The following ZFYVE1 variants were observed in gnomAD, a reference collection of about 807,000 sequenced individuals.
ZFYVE1 encodes the protein zinc finger FYVE-type containing 1.
ZFYVE1 carries 30 observed loss-of-function variants against 74.4 expected under a neutral mutation model. That is an observed-to-expected ratio of 0.40 (90% CI 0.30 to 0.55). The LOEUF is 0.55. ZFYVE1 is among the 20% of genes least tolerant of loss of function. The pLI is 0.42. For missense variants in ZFYVE1, 703 were observed against 1,011.6 expected (o/e 0.69, Z 4.14); for synonymous variants, 335 against 385.1 (o/e 0.87, Z 1.52).
chr14:73,001,215 A>T (rs1893866772), intron 2 of ZFYVE1, among the ~76,000 whole-genome samples: 1 of 139,058 alleles, frequency 7.2e-6, no homozygotes, highest in African/African-American at 2.9e-5. Flanking sequence ...TTCCCTATTG[A>T]CTTGTTAGAT....
intron 3 of ZFYVE1, among the ~76,000 whole-genome samples, chr14:72,993,863 A>T (rs867175389): frequency 4.0e-5 from 6 of 151,656 alleles, no homozygotes; most frequent in Non-Finnish European, 8.8e-5. Flanking sequence ...TCTACTAAAA[A>T]TACTAGCCAA....
At chr14:72,999,877 T>G (rs1376998436) in intron 2 of ZFYVE1, among the ~76,000 whole-genome samples, 1 of 152,120 alleles carries the variant, frequency 6.6e-6, no homozygotes, top group Non-Finnish European at 1.5e-5. Context: ...CTGGCCAACA[T>G]GGTGAAACCC....
intron 11 of ZFYVE1, among the ~76,000 whole-genome samples, chr14:72,972,370 C>T (rs1300828960): frequency 6.6e-6 from 1 of 152,204 alleles, no homozygotes; most frequent in Non-Finnish European, 1.5e-5. Context: ...ACTTGGTGAG[C>T]ACAGCCAGCA....
intron 5 of ZFYVE1, among the ~76,000 whole-genome samples, chr14:72,980,561 A>G (rs1347501009): frequency 7.0e-6 from 1 of 142,772 alleles, no homozygotes; most frequent in East Asian, 2.0e-4. Flanking sequence ...TTATTTATTT[A>G]TTTATTTATT....
rs375138525 is a variant in ZFYVE1 at position 72,971,086 on chromosome 14, C to G, written c.2130G>C (p.Ala710=). ...LGLVKDAARP[A]YWVPDHEILH... ...GGATTTCGTGGTCAGGCACCCAGTA[C>G]GCAGGCCTGGCCGCGTCCTTTACCA... Residue 710 remains alanine (A), a synonymous_variant, in exon 12 of 12, where the codon GCG becomes GCC. Transcript: ENST00000556143. 1.5e-5 allele frequency: 25 copies of G among 1,614,102 alleles called. No homozygotes were observed. Among genetic ancestry groups the G allele is most frequent in the Non-Finnish European group, 2.1e-5 (25 of 1,180,050 alleles).
chr14:73,006,932 G>C (rs763716673), intron 2 of ZFYVE1, among the ~76,000 whole-genome samples: 5 of 151,782 alleles, frequency 3.3e-5, no homozygotes, highest in African/African-American at 1.2e-4. Flanking sequence ...AGCTGGTCTC[G>C]AACTCCCTGA....
At chr14:73,023,622 C>CA (rs1174636892) in intron 2 of ZFYVE1, among the ~76,000 whole-genome samples, 1 of 151,594 alleles carries the variant, frequency 6.6e-6, no homozygotes, top group Non-Finnish European at 1.5e-5. Context: ...GCATCACTAA[C>CA]ATTTACTCAC....
chr14:73,005,641 A>T (rs889163097), intron 2 of ZFYVE1, among the ~76,000 whole-genome samples: 3 of 152,190 alleles, frequency 2.0e-5, no homozygotes, highest in African/African-American at 7.2e-5. Context: ...ATAATAACAG[A>T]TGTCCAGCTC....
intron 2 of ZFYVE1, among the ~76,000 whole-genome samples, chr14:73,006,595 C>G (rs1893985340): frequency 6.6e-6 from 1 of 151,800 alleles, no homozygotes; most frequent in South Asian, 2.1e-4. Flanking sequence ...CAAAACCCAG[C>G]AGCACCTCCC....
chr14:72,989,209 A>G (rs1014949992), intron 4 of ZFYVE1, among the ~76,000 whole-genome samples: 1 of 152,168 alleles, frequency 6.6e-6, no homozygotes, highest in Non-Finnish European at 1.5e-5. Flanking sequence ...TACAGGCATG[A>G]GCCACAGCAC....
chr14:73,011,302 A>G (rs1297722396), intron 2 of ZFYVE1, among the ~76,000 whole-genome samples: 10 of 151,932 alleles, frequency 6.6e-5, no homozygotes, highest in Non-Finnish European at 8.8e-5. Context: ...AATGGGCAAC[A>G]TGACAAAACC....
intron 2 of ZFYVE1, among the ~76,000 whole-genome samples, chr14:73,003,476 C>T (rs1893916915): frequency 6.6e-6 from 1 of 152,194 alleles, no homozygotes; most frequent in Admixed American, 6.5e-5. Flanking sequence ...CTTTGGGAGG[C>T]CAAGACGGGA....
chr14:72,993,838 T>C (rs1893680216), intron 3 of ZFYVE1, among the ~76,000 whole-genome samples: 1 of 150,004 alleles, frequency 6.7e-6, no homozygotes, highest in South Asian at 2.1e-4. Context: ...CCTGGCAACA[T>C]GGTGAAATGC....
At chr14:73,015,040 G>A (rs538825465) in intron 2 of ZFYVE1, among the ~76,000 whole-genome samples, 1 of 151,722 alleles carries the variant, frequency 6.6e-6, no homozygotes, top group South Asian at 2.1e-4. Context: ...AGACCAGCCT[G>A]GTCAACATGG....
In ZFYVE1 at chr14:72,977,914, C is replaced by G. The variant is rs1594831727; in HGVS notation, c.1635+13G>C. On this transcript the variant is annotated intron_variant, in intron 8 of 11. Coordinates refer to ENST00000556143, the MANE Select transcript of ZFYVE1 (RefSeq NM_021260.4). ...CAAGATAAAGAAAAACAGAGAAATC[C>G]AACAGTTCTTACTCCAGGCCACACA... 5 of 1,612,642 alleles carry G rather than the reference C, an allele frequency of 3.1e-6. No individual in the cohort carries two copies. In the East Asian group the frequency reaches 1.1e-4, roughly 36 times the overall value.
Position 72,981,893 on chromosome 14 carries a change from T to C in ZFYVE1, c.1206A>G (p.Ala402=). Residue 402 remains alanine (A), a splice_region_variant and synonymous_variant, in exon 5 of 12, where the codon GCA becomes GCG. Transcript: ENST00000556143. ...HPGVIFKALK[A]LSDRFSGEIP... Reference sequence around the variant, plus strand: ...TCTCACCGCTGAAGCGGTCACTTAGTGCCTGCCAAGGAGGGAAGGTGACAT... The same window carrying C: ...TCTCACCGCTGAAGCGGTCACTTAGCGCCTGCCAAGGAGGGAAGGTGACAT... 1 of 1,613,908 alleles carries C rather than the reference T, an allele frequency of 6.2e-7. No individual in the cohort carries two copies. The highest frequency in any genetic ancestry group is 8.5e-7 in the Non-Finnish European group (1 of 1,180,030).
chr14:72,975,089 G>C lies in ZFYVE1; in HGVS notation c.1807-130C>G. On this transcript the variant is annotated intron_variant, in intron 9 of 11. Transcript: ENST00000556143. The surrounding 1 kb of genome is among the most constrained non-coding windows in gnomAD (Gnocchi z 4.1). ...TGGCGTTAGCTCAACAAGGACAAGA[G>C]CTTTCTAGTAACGCGTTATCTGAGA... The C allele has an allele frequency of 1.0e-6, 1 of 970,616 alleles. No homozygotes were observed. Among genetic ancestry groups the C allele is most frequent in the Non-Finnish European group, 1.5e-6 (1 of 673,228 alleles). 60.1% of individuals were successfully genotyped at this position (970,616 alleles called of 1,614,324 possible).
Position 72,977,956 on chromosome 14 carries a change from G to A in ZFYVE1, c.1606C>T (p.Arg536Trp). Residue 536 changes from arginine to tryptophan, a missense_variant, in exon 8 of 12, where the codon CGG (arginine) becomes TGG (tryptophan). Arg to Trp is a moderately radical substitution (Grantham distance 101). This residue lies in a region of ZFYVE1 where 492 missense variants were observed against 790.0 expected (regional missense o/e 0.62). Coordinates refer to ENST00000556143, the MANE Select transcript of ZFYVE1 (RefSeq NM_021260.4). ...GNQDPVDTVVRTEIVHVWPGT... is the reference protein window; with the variant it reads ...GNQDPVDTVVWTEIVHVWPGT... Reference sequence around the variant, plus strand: ...GGCCACACATGCACAATCTCTGTCCGCACCACCGTATCCACAGGATCTTGG... The same window carrying A: ...GGCCACACATGCACAATCTCTGTCCACACCACCGTATCCACAGGATCTTGG... 2 of 1,614,132 alleles carry A rather than the reference G, an allele frequency of 1.2e-6. No individual in the cohort carries two copies. Among genetic ancestry groups the A allele is most frequent in the Non-Finnish European group, 1.7e-6 (2 of 1,180,020 alleles).
rs777150047 is a variant in ZFYVE1 at position 72,980,536 on chromosome 14, A to AATTTATTTATTTATTT, written c.1310+1237_1310+1252dup. ...CATCAGCATCACCTGAGAATTAATT[A>AATTTATTTATTTATTT]ATTTATTTATTTATTTATTTATTTA... is the stretch of plus-strand genomic sequence containing the variant. On this transcript the variant is annotated intron_variant, in intron 5 of 11. Transcript: ENST00000556143. Among the ~76,000 whole-genome samples the AATTTATTTATTTATTT allele has an allele frequency of 1.6e-4, 13 of 81,524 alleles. No homozygotes were observed. In the East Asian group the frequency reaches 2.3e-3, roughly 14 times the overall value. The allele number at this position is 81,524 out of a possible 152,430, so 53.5% of individuals were successfully genotyped here.
Sources: gnomAD v4.1 joint callset for allele counts (sites outside exome capture counted in the v4.1 genomes callset) on GRCh38, gnomAD v4.1.1 for gene constraint, gnomAD v4.1.1 regional missense constraint, Gnocchi (gnomAD v3.1) non-coding constraint, MANE v1.5 for transcripts, NCBI Gene and HGNC (gene_info 2026-07-23, HGNC 2026-07-21) for gene names.